WDR83: variants seen among roughly 807,000 people sequenced by gnomAD.
WDR83 encodes the protein WD repeat domain 83.
Under a neutral mutation model 37.7 loss-of-function variants are expected in WDR83, and 37 were observed. That is an observed-to-expected ratio of 0.98 (90% CI 0.76 to 1.29). WDR83 has a LOEUF of 1.29. WDR83 is among the 50% of genes most tolerant of loss of function. The pLI is 0.00. For synonymous variants in WDR83, 174 were observed against 181.1 expected (o/e 0.96, Z 0.31); for missense variants, 445 against 414.4 (o/e 1.07, Z -0.64).
rs567411598 is a variant in WDR83, at chr19:12,669,863, C to A, written c.73C>A (p.Gln25Lys). ...ACGGTTGAAGACGCTGGACTGCGGG[C>A]AGGGGGCAGTGCGAGCCGTACGATT... is the stretch of plus-strand genomic sequence containing the variant. The part of the protein sequence containing the change: ...QKRLKTLDCG[Q>K]GAVRAVRFNV... Residue 25 changes from glutamine to lysine, a missense_variant, in exon 3 of 11, where the codon CAG (glutamine) becomes AAG (lysine). By Grantham distance (53) the Gln-to-Lys change is moderately conservative. Coordinates refer to ENST00000418543, the MANE Select transcript of WDR83 (RefSeq NM_001099737.3). The A allele has an allele frequency of 8.1e-6, 13 of 1,611,582 alleles. No homozygotes were observed. In the East Asian group the frequency reaches 2.9e-4, roughly 36 times the overall value.
At chr19:12,667,806 A>G (rs2024295936) in intron 1 of WDR83, among the ~76,000 whole-genome samples, 1 of 152,040 alleles carries the variant, frequency 6.6e-6, no homozygotes, top group South Asian at 2.1e-4. Flanking sequence ...TGCATGACAG[A>G]TCAAGACCAT....
chr19:12,669,405 G>A, intron 2 of WDR83: 1 of 1,594,516 alleles, frequency 6.3e-7, no homozygotes, highest in Non-Finnish European at 8.5e-7. Flanking sequence ...AGTGGACATA[G>A]CGAGTCGAAG....
At chr19:12,673,791 C>T (rs558949453) in intron 10 of WDR83, among the ~76,000 whole-genome samples, 1 of 152,138 alleles carries the variant, frequency 6.6e-6, no homozygotes, top group Non-Finnish European at 1.5e-5. Context: ...CTCTTCCCCC[C>T]AGGGTTCAGG....
At chr19:12,667,756 G>A (rs1408953964) in intron 1 of WDR83, among the ~76,000 whole-genome samples, 1 of 152,092 alleles carries the variant, frequency 6.6e-6, no homozygotes, top group African/African-American at 2.4e-5. Flanking sequence ...CCAGGAGTTT[G>A]AGGCTGCAGT....
chr19:12,672,738 C>T lies in WDR83; in HGVS notation c.507-109C>T, dbSNP rs1202757732. On this transcript the variant is annotated intron_variant, in intron 7 of 10. Transcript: ENST00000418543. ...GTCTCAAGGCCAGAGCTTCAGAATT[C>T]CACTCCTGTGCACTGGAAGAGCAGG... 26 of 1,153,864 alleles carry T rather than the reference C, an allele frequency of 2.3e-5. No individual in the cohort carries two copies. The Middle Eastern group carries it at 8.5e-4, about 38-fold the overall frequency. 71.5% of individuals were successfully genotyped at this position (1,153,864 alleles called of 1,614,324 possible). A position where few individuals can be genotyped will look rare whatever the true frequency, so the allele number is the denominator to read the frequency against.
chr19:12,675,587 C>T lies in WDR83; in HGVS notation c.863C>T (p.Thr288Ile), dbSNP rs201602197. The T allele has an allele frequency of 2.0e-5, 32 of 1,605,650 alleles. No homozygotes were observed. The highest frequency in any genetic ancestry group is 1.7e-5 in the Admixed American group (1 of 59,988). Residue 288 changes from threonine to isoleucine, a missense_variant, in exon 11 of 11, where the codon ACA (threonine) becomes ATA (isoleucine). Physicochemically the swap from Thr to Ile is moderately conservative, Grantham distance 89. Coordinates refer to ENST00000418543, the MANE Select transcript of WDR83 (RefSeq NM_001099737.3). ...GVVQSLAYHP[T>I]EPCLLTAMGG... ...GTGCAGTCGCTGGCCTACCACCCAA[C>T]AGAGCCCTGCCTGCTGACCGCCATG...
At position 12,670,035 on chromosome 19, in the gene WDR83, G is replaced by C. The variant is rs753310947; in HGVS notation, c.162G>C (p.Pro54=). Residue 54 remains proline, a synonymous_variant, in exon 4 of 11, where the codon CCG becomes CCC. Coordinates refer to ENST00000418543, the MANE Select transcript of WDR83 (RefSeq NM_001099737.3). The part of the protein sequence containing the change: ...GSDKTLKLWN[P]LRGTLLRTYS... ...ACAAGACGCTGAAGCTGTGGAACCC[G>C]CTTCGGGGGACGCTGCTGCGGACGT... 1 of 1,613,238 alleles carries C rather than the reference G, an allele frequency of 6.2e-7. No homozygotes were observed. Among genetic ancestry groups the C allele is most frequent in the South Asian group, 1.1e-5 (1 of 91,048 alleles).
chr19:12,669,637 G>A, intron 2 of WDR83, 118 bp from the exon 3 acceptor site: 5 of 966,524 alleles, frequency 5.2e-6, no homozygotes, highest in Non-Finnish European at 7.5e-6. Flanking sequence ...GTTCCAACCC[G>A]ATCACCGAAA....
intron 5 of WDR83, 111 bp from the exon 6 acceptor site, chr19:12,670,452 C>T (rs1568312851): frequency 6.4e-6 from 10 of 1,561,488 alleles, no homozygotes; most frequent in Non-Finnish European, 7.9e-6. Flanking sequence ...TTGCTGTTCC[C>T]CCAAAACCTT....
chr19:12,671,748 AGT>A (rs1328894098), intron 7 of WDR83, among the ~76,000 whole-genome samples: 5 of 152,306 alleles, frequency 3.3e-5, no homozygotes, highest in African/African-American at 1.2e-4. Context: ...GCCAGGCTGG[AGT>A]GCAGTGACGT....
chr19:12,671,524 C>T (rs1043149773), intron 7 of WDR83, among the ~76,000 whole-genome samples: 123 of 150,310 alleles, frequency 8.2e-4, no homozygotes, highest in African/African-American at 2.9e-3. Context: ...TAGTGGCAGG[C>T]GCCTGTAGTC....
intron 1 of WDR83, 51 bp from the exon 2 acceptor site, chr19:12,668,457 G>T (rs1248875322): frequency 5.0e-6 from 8 of 1,612,926 alleles, no homozygotes; most frequent in Non-Finnish European, 6.8e-6. Flanking sequence ...AGTCTAGGAT[G>T]GCCAGGCTGG....
chr19:12,667,272 G>C (rs940769947), intron 1 of WDR83, among the ~76,000 whole-genome samples: 4 of 152,132 alleles, frequency 2.6e-5, no homozygotes, highest in African/African-American at 7.2e-5. Context: ...GAAGGACCCC[G>C]AGTCTTTCAT....
chr19:12,669,495 G>A (rs576731565), intron 2 of WDR83: 1 of 1,461,396 alleles, frequency 6.8e-7, no homozygotes, highest in East Asian at 2.5e-5. Context: ...TAACACCCGA[G>A]GCCCTCGCAT....
In WDR83 at chr19:12,670,565, G is replaced by T; in HGVS notation, c.333G>T (p.Lys111Asn). 12 of 1,614,212 alleles carry T rather than the reference G, an allele frequency of 7.4e-6. No homozygotes were observed. Among genetic ancestry groups the T allele is most frequent in the Non-Finnish European group, 9.3e-6 (11 of 1,180,038 alleles). ...CTGAGTGGCAATAACTTTCTCAGAAGGTGAACACGGTGCAGTTTAATGAAG... is the reference window on the plus strand; with the variant it reads ...CTGAGTGGCAATAACTTTCTCAGAATGTGAACACGGTGCAGTTTAATGAAG... ...VVRKFRGHAG[K>N]VNTVQFNEEA... Residue 111 changes from lysine to asparagine, a missense_variant and splice_region_variant, in exon 6 of 11, where the codon AAG becomes AAT. Physicochemically the swap from Lys to Asn is moderately conservative, Grantham distance 94 (BLOSUM62 0). Coordinates refer to ENST00000418543, the MANE Select transcript of WDR83 (RefSeq NM_001099737.3).
Position 12,675,674 on chromosome 19 carries a change from G to A in WDR83, c.*2G>A. On this transcript the variant is annotated 3_prime_UTR_variant, in exon 11 of 11. Coordinates refer to ENST00000418543, the MANE Select transcript of WDR83 (RefSeq NM_001099737.3). ...GAGGCAGAGGATGGAGCAGGCTGAAGCCAGGGGACCCACCAACAGGACCAA... is the reference window on the plus strand; with the variant it reads ...GAGGCAGAGGATGGAGCAGGCTGAAACCAGGGGACCCACCAACAGGACCAA... The A allele has an allele frequency of 6.2e-7, 1 of 1,600,036 alleles. No individual in the cohort carries two copies. Among genetic ancestry groups the A allele is most frequent in the South Asian group, 1.1e-5 (1 of 90,818 alleles).
chr19:12,670,226 G>A lies in WDR83; in HGVS notation c.271G>A (p.Val91Met), dbSNP rs768418429. 1.2e-6 allele frequency: 2 copies of A among 1,614,192 alleles called. No homozygotes were observed. The highest frequency in any genetic ancestry group is 4.5e-5 in the East Asian group (2 of 44,884). The change falls in exon 5 of 11, where the codon GTG becomes ATG. Residue 91 changes from valine (V) to methionine (M), a missense_variant. Transcript: ENST00000418543. ...SLCSGGGDKA[V>M]VLWDVASGQV... ...CTGCTCCGGCGGCGGGGACAAGGCG[G>A]TGGTTCTGTGGGATGTGGCATCAGG...
chr19:12,670,604 C>A lies in WDR83; in HGVS notation c.372C>A (p.Ile124=). The stretch of plus-strand genomic sequence containing the variant: ...AGTTTAATGAAGAGGCCACAGTTAT[C>A]CTGTCCGGTGAGTCTGGGGCCTAAG... ...TVQFNEEATV[I]LSGSIDSSIR... is the part of the protein sequence containing the mutation. Residue 124 remains isoleucine (I), a synonymous_variant, in exon 6 of 11, where the codon ATC becomes ATA. Coordinates refer to ENST00000418543, the MANE Select transcript of WDR83 (RefSeq NM_001099737.3). 1.2e-6 allele frequency: 2 copies of A among 1,614,238 alleles called. No individual in the cohort carries two copies. The highest frequency in any genetic ancestry group is 1.7e-6 in the Non-Finnish European group (2 of 1,180,048).
In WDR83 at chr19:12,672,943, C is replaced by T. The variant is rs756230877; in HGVS notation, c.574+29C>T. 1.2e-5 allele frequency: 19 copies of T among 1,595,988 alleles called. No homozygotes were observed. In the East Asian group the frequency reaches 4.3e-4, roughly 36 times the overall value. ...AGTGTGGCTGGGGATGTGGGACAGGCAGGGAAGATGGGGGGCCAACCAGGG... is the reference window on the plus strand; with the variant it reads ...AGTGTGGCTGGGGATGTGGGACAGGTAGGGAAGATGGGGGGCCAACCAGGG... On this transcript the variant is annotated intron_variant, in intron 8 of 10. Transcript: ENST00000418543.
Sources: allele counts gnomAD v4.1 joint callset (sites outside exome capture counted in the v4.1 genomes callset), GRCh38; gene constraint gnomAD v4.1.1; transcripts MANE v1.5; gene names NCBI Gene and HGNC (gene_info 2026-07-23, HGNC 2026-07-21).